Variants in GRIK2 observed in about 807,000 individuals in gnomAD.
The protein encoded by GRIK2 is glutamate ionotropic receptor kainate type subunit 2.
GRIK2 carries 32 observed loss-of-function variants against 100.3 expected under a neutral mutation model. The observed-to-expected ratio is 0.32, with a 90% CI of 0.24 to 0.43. The LOEUF is 0.43. Ranked by LOEUF, GRIK2 falls within the 20% of genes least tolerant of loss-of-function variation. The pLI is 1.00. For missense variants in GRIK2, 843 were observed against 1,114.9 expected (o/e 0.76, Z 3.47); for synonymous variants, 417 against 389.4 (o/e 1.07, Z -0.83).
chr6:101,602,620 A>G (rs1247489867), intron 2 of GRIK2, among the ~76,000 whole-genome samples: 1 of 151,592 alleles, frequency 6.6e-6, no homozygotes. Flanking sequence ...ACACTTTACA[A>G]ATGAAGACTT....
chr6:102,065,708 A>G, intron 16 of GRIK2: 2 of 729,082 alleles, frequency 2.7e-6, no homozygotes, highest in Non-Finnish European at 4.4e-6. Flanking sequence ...TCAATGTTAC[A>G]CGTCCTATAA....
At chr6:101,579,852 A>G (rs1045909094) in intron 2 of GRIK2, among the ~76,000 whole-genome samples, 3 of 149,524 alleles carry the variant, frequency 2.0e-5, no homozygotes, top group Non-Finnish European at 4.4e-5. Flanking sequence ...TGTGTCTTAA[A>G]AAAAAAAAAA....
At chr6:101,851,112 A>G (rs1000112765) in intron 10 of GRIK2, among the ~76,000 whole-genome samples, 1 of 152,076 alleles carries the variant, frequency 6.6e-6, no homozygotes, top group African/African-American at 2.4e-5. Context: ...TACTAAAAAG[A>G]TGCACTCAGA....
intron 14 of GRIK2, among the ~76,000 whole-genome samples, chr6:102,012,282 C>T (rs1582720257): frequency 6.6e-6 from 1 of 152,092 alleles, no homozygotes; most frequent in Non-Finnish European, 1.5e-5. Context: ...GTAGTGTCAG[C>T]CCTCTTACTT....
chr6:101,608,733 CAG>C (rs1207610967), intron 2 of GRIK2, among the ~76,000 whole-genome samples: 3 of 151,650 alleles, frequency 2.0e-5, no homozygotes, highest in African/African-American at 2.4e-5. Context: ...GTTCACTTCT[CAG>C]GGGATGTTTA....
In GRIK2 at chr6:101,514,786, G is replaced by T. The variant is rs62419614; in HGVS notation, c.116-107163G>T. ...TTAAGTTTTTTTGAGAATAAAGTAA[G>T]GTCGCTGTTTTATGTAGACTCATAG... On this transcript the variant is annotated intron_variant, in intron 2 of 16. Coordinates refer to ENST00000369134, the MANE Select transcript of GRIK2 (RefSeq NM_021956.5). 4.0e-3 allele frequency among the ~76,000 whole-genome samples: 603 copies of T among 152,164 alleles called. 4 individuals are homozygous for T. Among genetic ancestry groups the T allele is most frequent in the Non-Finnish European group, 6.7e-3 (457 of 67,974 alleles).
intron 14 of GRIK2, among the ~76,000 whole-genome samples, chr6:102,013,591 T>A (rs777460701): frequency 9.9e-5 from 15 of 152,154 alleles, no homozygotes; most frequent in Non-Finnish European, 1.6e-4. Context: ...CTCTTATTAT[T>A]TTAAGGTATG....
intron 12 of GRIK2, among the ~76,000 whole-genome samples, chr6:101,907,911 C>A (rs75028669): frequency 0.03 from 4,502 of 151,578 alleles, 132 homozygotes; most frequent in African/African-American, 0.064. Context: ...TGTGCATTCA[C>A]TCACTGTTTT....
At chr6:101,799,305 G>GTGTGTGTGTGTGTA (rs10601554) in intron 7 of GRIK2, among the ~76,000 whole-genome samples, 37 of 149,648 alleles carry the variant, frequency 2.5e-4, no homozygotes, top group African/African-American at 8.8e-4. Flanking sequence ...GTGTGTGTGT[G>GTGTGTGTGTGTGTA]TATAAGTGAG....
chr6:101,601,168 T>C (rs1005908054), intron 2 of GRIK2, among the ~76,000 whole-genome samples: 2 of 151,196 alleles, frequency 1.3e-5, no homozygotes, highest in East Asian at 2.0e-4. Flanking sequence ...TTTTATCAAA[T>C]GCTTTTTCTG....
intron 7 of GRIK2, among the ~76,000 whole-genome samples, chr6:101,693,735 T>A (rs1298029315): frequency 2.0e-5 from 3 of 151,806 alleles, no homozygotes; most frequent in African/African-American, 7.3e-5. Flanking sequence ...AAATAAAAAA[T>A]TATATATATC....
intron 7 of GRIK2, among the ~76,000 whole-genome samples, chr6:101,729,745 C>T (rs1775129286): frequency 6.6e-6 from 1 of 151,674 alleles, no homozygotes; most frequent in African/African-American, 2.4e-5. Context: ...CATAAAAGAT[C>T]AATCATAGAA....
chr6:101,584,960 A>G (rs1778283484), intron 2 of GRIK2, among the ~76,000 whole-genome samples: 1 of 152,010 alleles, frequency 6.6e-6, no homozygotes, highest in Non-Finnish European at 1.5e-5. Flanking sequence ...GTAACTACAT[A>G]TAAGAGAATT....
intron 2 of GRIK2, among the ~76,000 whole-genome samples, chr6:101,442,086 AG>A (rs1770100665): frequency 6.6e-6 from 1 of 152,032 alleles, no homozygotes; most frequent in African/African-American, 2.4e-5. Flanking sequence ...TGAGATTTGA[AG>A]GTTTGCTGGA....
At chr6:101,759,355 A>G (rs1415518645) in intron 7 of GRIK2, among the ~76,000 whole-genome samples, 2 of 152,126 alleles carry the variant, frequency 1.3e-5, no homozygotes, top group South Asian at 2.1e-4. Flanking sequence ...GGGTTGTAAA[A>G]CAATTTTCTG....
chr6:101,818,936 A>G (rs74414881), intron 10 of GRIK2, among the ~76,000 whole-genome samples: 5,852 of 152,104 alleles, frequency 0.038, 190 homozygotes, highest in South Asian at 0.14. Context: ...TTTATTTTCA[A>G]TTTTATTGTT....
intron 2 of GRIK2, among the ~76,000 whole-genome samples, chr6:101,445,280 G>C (rs917968127): frequency 1.3e-5 from 2 of 152,072 alleles, no homozygotes; most frequent in African/African-American, 4.8e-5. Context: ...AGCTGATGGT[G>C]GTTGTCTCTA....
At chr6:101,516,172 C>G (rs1774574867) in intron 2 of GRIK2, among the ~76,000 whole-genome samples, 1 of 152,034 alleles carries the variant, frequency 6.6e-6, no homozygotes, top group African/African-American at 2.4e-5. Context: ...CAAAAGCAAT[C>G]TACACATTCA....
chr6:101,453,504 C>A (rs969684727), intron 2 of GRIK2, among the ~76,000 whole-genome samples: 1 of 151,834 alleles, frequency 6.6e-6, no homozygotes, highest in African/African-American at 2.4e-5. Context: ...AAATGTGAAA[C>A]CATTTAAGAT....
Sources: gnomAD v4.1 joint callset for allele counts (sites outside exome capture counted in the v4.1 genomes callset) on GRCh38, gnomAD v4.1.1 for gene constraint, MANE v1.5 for transcripts, NCBI Gene and HGNC (gene_info 2026-07-23, HGNC 2026-07-21) for gene names.